MGAM: variants seen among roughly 807,000 people sequenced by gnomAD.
MGAM encodes alpha-1,4-glucosidase.
MGAM carries 253 observed loss-of-function variants against 358.8 expected under a neutral mutation model. That is an observed-to-expected ratio of 0.71 (90% CI 0.64 to 0.78). The LOEUF is 0.78. MGAM is among the 30% of genes least tolerant of loss of function. The pLI is 0.00. For missense variants in MGAM, 3,080 were observed against 3,432.6 expected (o/e 0.90, Z 2.57); for synonymous variants, 1,105 against 1,227.1 (o/e 0.90, Z 2.08).
At chr7:142,030,525 T>A in intron 11 of MGAM, 32 bp downstream of exon 11, 1 of 1,612,812 alleles carries the variant, frequency 6.2e-7, no homozygotes, top group Non-Finnish European at 8.5e-7. Flanking sequence ...CCAAATTAGG[T>A]ATTTGCTCCT....
chr7:142,034,388 A>T lies in MGAM; in HGVS notation c.1787+9A>T. 6.6e-7 allele frequency: 1 copy of T among 1,511,140 alleles called. No individual in the cohort carries two copies. The highest frequency in any genetic ancestry group is 9.0e-7 in the Non-Finnish European group (1 of 1,106,162). 93.6% of individuals were successfully genotyped at this position (1,511,140 alleles called of 1,614,324 possible). A position where few individuals can be genotyped will look rare whatever the true frequency, so the allele number is the denominator to read the frequency against. ...GCGGTCGCCACAGCAGAGTAAGGCCACTATGGCTATGACCTGCTAATTATT... is the reference window on the plus strand; with the variant it reads ...GCGGTCGCCACAGCAGAGTAAGGCCTCTATGGCTATGACCTGCTAATTATT... On this transcript the variant is annotated intron_variant, in intron 15 of 70. Coordinates refer to ENST00000475668, the MANE Select transcript of MGAM (RefSeq NM_001365693.1).
intron 19 of MGAM, among the ~76,000 whole-genome samples, chr7:142,039,296 G>T (rs1203678931): frequency 2.6e-5 from 4 of 151,698 alleles, no homozygotes; most frequent in Non-Finnish European, 5.9e-5. Flanking sequence ...GTAGAGACGG[G>T]GTTTCATGTT....
At chr7:142,024,717 G>A (rs1806793622) in intron 7 of MGAM, among the ~76,000 whole-genome samples, 1 of 152,150 alleles carries the variant, frequency 6.6e-6, no homozygotes, top group Admixed American at 6.6e-5. Context: ...TTTTGCTGAT[G>A]AGGTTAAGTC....
Position 142,103,364 on chromosome 7 carries a change from C to A in MGAM, c.8109C>A (p.Val2703=). The change falls in exon 70 of 71, where the codon GTC becomes GTA. Residue 2703 remains valine, a synonymous_variant. Transcript: ENST00000475668. ...TTGAAATCTGGGGAGTGGGCAGTGT[C>A]CCCGTTACCAGTGTCAGCATCTCTG... ...GYIEIWGVGS[V]PVTSVSISVS... 2 of 1,613,222 alleles carry A rather than the reference C, an allele frequency of 1.2e-6. No homozygotes were observed. Among genetic ancestry groups the A allele is most frequent in the Non-Finnish European group, 1.7e-6 (2 of 1,179,582 alleles).
chr7:142,027,620 G>T lies in MGAM; in HGVS notation c.1106G>T (p.Arg369Leu). The change falls in exon 10 of 71, where the codon CGG (arginine) becomes CTG (leucine). Residue 369 changes from arginine to leucine, a missense_variant. Around this residue, in one of 5 missense-constraint regions of MGAM, gnomAD observed 1,816 missense variants for 1,840.5 expected, o/e 0.99. Coordinates refer to ENST00000475668, the MANE Select transcript of MGAM (RefSeq NM_001365693.1). ...VVQEYLELIGRPALPSYWALG... is the reference protein window; with the variant it reads ...VVQEYLELIGLPALPSYWALG... ...ACATATTTCTTTCAGCTCATTGGGC[G>T]GCCAGCCCTTCCCTCCTACTGGGCG... is the stretch of plus-strand genomic sequence containing the variant. 6.2e-7 allele frequency: 1 copy of T among 1,613,288 alleles called. No individual in the cohort carries two copies. Among genetic ancestry groups the T allele is most frequent in the Non-Finnish European group, 8.5e-7 (1 of 1,179,582 alleles).
chr7:142,021,142 T>C (rs1170091422), intron 5 of MGAM, 59 bp downstream of exon 5: 9 of 1,235,710 alleles, frequency 7.3e-6, no homozygotes, highest in Non-Finnish European at 1.0e-5. Context: ...CCCTATCGGA[T>C]GAGTGCAGTT....
intron 57 of MGAM, among the ~76,000 whole-genome samples, chr7:142,088,807 A>G (rs1815055036): frequency 8.6e-6 from 1 of 116,222 alleles, no homozygotes; most frequent in Non-Finnish European, 1.9e-5. Flanking sequence ...CTATCATTCT[A>G]TCCTATCTAT....
At chr7:142,063,413 C>G (rs544833110) in intron 35 of MGAM, 86 bp from the exon 36 acceptor site, 2 of 1,493,078 alleles carry the variant, frequency 1.3e-6, no homozygotes, top group Non-Finnish European at 1.8e-6. Flanking sequence ...GGATGTTGAA[C>G]AATTTATTCA....
At chr7:142,054,688 G>A (rs1439387628) in intron 26 of MGAM, 66 bp from the exon 27 acceptor site, 1 of 1,514,986 alleles carries the variant, frequency 6.6e-7, no homozygotes. Context: ...AAATCAAAAA[G>A]GTTCTGCTAA....
chr7:142,083,233 G>A lies in MGAM; in HGVS notation c.6269-68G>A, dbSNP rs1283559174. 13 of 1,210,580 alleles carry A rather than the reference G, an allele frequency of 1.1e-5. 2 individuals carry two copies. Among genetic ancestry groups the A allele is most frequent in the Non-Finnish European group, 1.5e-5 (13 of 846,036 alleles). The allele number at this position is 1,210,580 out of a possible 1,614,324, so 75.0% of individuals were successfully genotyped here. A position where few individuals can be genotyped will look rare whatever the true frequency, so the allele number is the denominator to read the frequency against. On this transcript the variant is annotated intron_variant, in intron 52 of 70. Transcript: ENST00000475668. ...GGAGGGTGCAGGAAATAGAGAATGTGTGGATTTCAGGGGTGATTCATGACG... is the reference window on the plus strand; with the variant it reads ...GGAGGGTGCAGGAAATAGAGAATGTATGGATTTCAGGGGTGATTCATGACG...
At chr7:142,035,550 T>G (rs1554465491) in intron 16 of MGAM, among the ~76,000 whole-genome samples, 1 of 152,194 alleles carries the variant, frequency 6.6e-6, no homozygotes, top group Non-Finnish European at 1.5e-5. Context: ...AGATTAACCT[T>G]GAAAAGTGAG....
intron 58 of MGAM, 116 bp downstream of exon 58, chr7:142,092,163 A>G: frequency 7.5e-7 from 1 of 1,335,974 alleles, no homozygotes; most frequent in Non-Finnish European, 1.0e-6. Flanking sequence ...AAGACTTTGG[A>G]CATATCAGAC....
Position 142,036,899 on chromosome 7 carries a change from C to G in MGAM, c.2153C>G (p.Thr718Ser). 1 of 1,613,722 alleles carries G rather than the reference C, an allele frequency of 6.2e-7. No individual in the cohort carries two copies. Among genetic ancestry groups the G allele is most frequent in the South Asian group, 1.1e-5 (1 of 91,068 alleles). Residue 718 changes from threonine to serine, a missense_variant, in exon 18 of 71, where the codon ACT becomes AGT. Thr to Ser is a moderately conservative substitution (Grantham distance 58, BLOSUM62 1). Transcript: ENST00000475668. ...SSRHYLNIRYTLLPYLYTLFF... is the reference protein window; with the variant it reads ...SSRHYLNIRYSLLPYLYTLFF... ...AGGCACTACCTTAACATCCGCTATA[C>G]TCTATTGCCCTACCTATACACCCTC...
At chr7:141,990,568 T>C (rs976581135) in intron 2 of MGAM, among the ~76,000 whole-genome samples, 1 of 152,202 alleles carries the variant, frequency 6.6e-6, no homozygotes, top group East Asian at 1.9e-4. Context: ...GTGGCTCCAG[T>C]GTACTTTCCC....
At chr7:141,990,250 A>G (rs1803885690) in intron 2 of MGAM, among the ~76,000 whole-genome samples, 1 of 152,222 alleles carries the variant, frequency 6.6e-6, no homozygotes, top group Non-Finnish European at 1.5e-5. Context: ...ACTATGGCCT[A>G]TGTATCATGC....
Position 142,079,555 on chromosome 7 carries a change from A to T in MGAM, c.5847+547A>T, listed in dbSNP as rs1814058529. Among the ~76,000 whole-genome samples, 2 of 146,036 alleles carry T rather than the reference A, an allele frequency of 1.4e-5. 1 individual carries two copies. The highest frequency in any genetic ancestry group is 3.1e-5 in the Non-Finnish European group (2 of 64,498). On this transcript the variant is annotated intron_variant, in intron 49 of 70. Coordinates refer to ENST00000475668, the MANE Select transcript of MGAM (RefSeq NM_001365693.1). ...GATACTGAATTTGAGATACGTATAA[A>T]ATAGCCACCAACCTGCAGCGATTTC...
chr7:142,078,711 T>C (rs1813960781), intron 48 of MGAM, 97 bp from the exon 49 acceptor site: 1 of 1,261,388 alleles, frequency 7.9e-7, no homozygotes, highest in African/African-American at 1.4e-5. Flanking sequence ...TAGGCTGGTT[T>C]TATTGTCATA....
Position 142,064,469 on chromosome 7 carries a change from G to A in MGAM, c.4431G>A (p.Gln1477=), listed in dbSNP as rs1328282711. 1 of 1,590,594 alleles carries A rather than the reference G, an allele frequency of 6.3e-7. No homozygotes were observed. Among genetic ancestry groups the A allele is most frequent in the East Asian group, 2.3e-5 (1 of 43,770 alleles). Residue 1477 remains glutamine (Q), a synonymous_variant, in exon 37 of 71, where the codon CAG becomes CAA. Transcript: ENST00000475668. ...TCCTCCCAGACGGCTCCCTGGTGCA[G>A]CACTACAACGTGCACAACCTGTATG... The part of the protein sequence containing the change: ...QQILPDGSLV[Q]HYNVHNLYGW...
chr7:142,050,587 G>A, intron 23 of MGAM, 110 bp from the exon 24 acceptor site: 2 of 1,115,880 alleles, frequency 1.8e-6, no homozygotes, highest in Non-Finnish European at 2.6e-6. Context: ...AAGCAGAGAG[G>A]CATTTATGGC....
Sources: allele counts gnomAD v4.1 joint callset (sites outside exome capture counted in the v4.1 genomes callset), GRCh38; gene constraint gnomAD v4.1.1; regional missense constraint gnomAD v4.1.1; transcripts MANE v1.5; gene names NCBI Gene and HGNC (gene_info 2026-07-23, HGNC 2026-07-21).